The following CDH12 variants were observed in gnomAD, a reference collection of about 807,000 sequenced individuals.
CDH12 encodes the protein cadherin-12.
In CDH12, 41 loss-of-function variants were observed where a neutral mutation model predicts 74.1. The observed-to-expected ratio is 0.55, with a 90% CI of 0.43 to 0.72. The LOEUF is 0.72. CDH12 is among the 30% of genes least tolerant of loss of function. CDH12 has a pLI of 0.00. For missense variants in CDH12, 945 were observed against 977.2 expected (o/e 0.97, Z 0.44); for synonymous variants, 399 against 355.0 (o/e 1.12, Z -1.39).
At position 22,814,925 on chromosome 5, in the gene CDH12, CA is replaced by C. The variant is rs1469550463; in HGVS notation, c.-523+38132del. ...ACTATAAGTAACACGAAAACTTTGACAAATTGTACATAATCTTCTTTCAGAT... is the reference window on the plus strand; with the variant it reads ...ACTATAAGTAACACGAAAACTTTGACAATTGTACATAATCTTCTTTCAGAT... On this transcript the variant is annotated intron_variant, in intron 1 of 14. Coordinates refer to ENST00000382254, the MANE Select transcript of CDH12 (RefSeq NM_004061.5). Among the ~76,000 whole-genome samples the C allele has an allele frequency of 8.5e-5, 13 of 152,052 alleles. No homozygotes were observed. In the South Asian group the frequency reaches 2.7e-3, roughly 32 times the overall value.
chr5:21,894,497 A>C (rs1753036813), intron 6 of CDH12, among the ~76,000 whole-genome samples: 1 of 152,060 alleles, frequency 6.6e-6, no homozygotes, highest in African/African-American at 2.4e-5. Flanking sequence ...GTATCCAAAC[A>C]CTATGTATAT....
chr5:22,838,995 C>A (rs144302543), intron 1 of CDH12, among the ~76,000 whole-genome samples: 1 of 151,898 alleles, frequency 6.6e-6, no homozygotes, highest in Non-Finnish European at 1.5e-5. Context: ...TATAGATTAG[C>A]CTTTTAGGCA....
At chr5:22,093,912 G>A (rs1305646061) in intron 4 of CDH12, among the ~76,000 whole-genome samples, 2 of 152,132 alleles carry the variant, frequency 1.3e-5, no homozygotes, top group Non-Finnish European at 2.9e-5. Context: ...CAATTCATGT[G>A]TTAATATATT....
At chr5:22,788,605 T>C (rs1367885260) in intron 1 of CDH12, among the ~76,000 whole-genome samples, 1 of 148,102 alleles carries the variant, frequency 6.8e-6, no homozygotes, top group African/African-American at 2.4e-5. Flanking sequence ...ATATAATACA[T>C]GAAATATATT....
At chr5:22,812,221 C>T (rs550162082) in intron 1 of CDH12, among the ~76,000 whole-genome samples, 37 of 152,170 alleles carry the variant, frequency 2.4e-4, no homozygotes, top group Non-Finnish European at 4.9e-4. Flanking sequence ...TGAGGCTCTC[C>T]GCTCAGCCTT....
At chr5:22,293,213 C>A (rs1423929395) in intron 3 of CDH12, among the ~76,000 whole-genome samples, 3 of 152,144 alleles carry the variant, frequency 2.0e-5, no homozygotes, top group Non-Finnish European at 1.5e-5. Flanking sequence ...TGCGGTCTGA[C>A]CCCAGCCAAC....
At chr5:22,528,557 T>C (rs550597472) in intron 1 of CDH12, among the ~76,000 whole-genome samples, 1 of 152,272 alleles carries the variant, frequency 6.6e-6, no homozygotes, top group East Asian at 1.9e-4. Context: ...TAGAGGATAA[T>C]GGACTCCTTC....
chr5:22,005,201 T>C (rs1159444600), intron 5 of CDH12, among the ~76,000 whole-genome samples: 1 of 152,056 alleles, frequency 6.6e-6, no homozygotes, highest in Non-Finnish European at 1.5e-5. Context: ...CCACCACACC[T>C]GGCTAATTTT....
At chr5:22,807,066 G>A (rs1748855266) in intron 1 of CDH12, among the ~76,000 whole-genome samples, 1 of 152,098 alleles carries the variant, frequency 6.6e-6, no homozygotes, top group South Asian at 2.1e-4. Context: ...GTCCTGAATG[G>A]TATTGCCTAG....
chr5:22,596,516 G>T (rs1736616366), intron 1 of CDH12, among the ~76,000 whole-genome samples: 2 of 152,176 alleles, frequency 1.3e-5, no homozygotes, highest in Non-Finnish European at 2.9e-5. Flanking sequence ...GTTAGGATGT[G>T]AATGAGCAAA....
At chr5:22,234,327 G>C (rs1056307627) in intron 3 of CDH12, among the ~76,000 whole-genome samples, 3 of 152,048 alleles carry the variant, frequency 2.0e-5, no homozygotes, top group Admixed American at 6.6e-5. Context: ...ACCTGGAAAG[G>C]GGGGCGTAAT....
At chr5:22,065,109 G>A (rs1410815338) in intron 5 of CDH12, among the ~76,000 whole-genome samples, 3 of 152,054 alleles carry the variant, frequency 2.0e-5, no homozygotes, top group Non-Finnish European at 2.9e-5. Context: ...TAATGGCCTC[G>A]CCTGATGCTG....
chr5:22,727,828 G>C (rs1744236972), intron 1 of CDH12, among the ~76,000 whole-genome samples: 1 of 151,190 alleles, frequency 6.6e-6, no homozygotes, highest in South Asian at 2.1e-4. Flanking sequence ...TTGTTCCCTT[G>C]AGTGTAGTGT....
intron 1 of CDH12, among the ~76,000 whole-genome samples, chr5:22,819,542 A>T: frequency 6.6e-6 from 1 of 152,056 alleles, no homozygotes; most frequent in East Asian, 1.9e-4. Flanking sequence ...TCCTTTGGAA[A>T]AAAGCTATGC....
chr5:22,407,953 C>T (rs1292634300), intron 2 of CDH12, among the ~76,000 whole-genome samples: 1 of 152,054 alleles, frequency 6.6e-6, no homozygotes, highest in Admixed American at 6.6e-5. Context: ...TAGCCTATCG[C>T]CTTCTCTATC....
chr5:22,336,168 A>G (rs746315840), intron 3 of CDH12, among the ~76,000 whole-genome samples: 6 of 152,138 alleles, frequency 3.9e-5, no homozygotes, highest in Non-Finnish European at 7.3e-5. Context: ...ATAATTTAGG[A>G]TATCTGACTG....
At chr5:22,497,659 T>TG (rs1456638451) in intron 2 of CDH12, among the ~76,000 whole-genome samples, 2 of 147,180 alleles carry the variant, frequency 1.4e-5, no homozygotes, top group Non-Finnish European at 3.0e-5. Flanking sequence ...TTTTTTTTTT[T>TG]TGAGATGTAA....
At chr5:22,678,045 G>C (rs375695384) in intron 1 of CDH12, among the ~76,000 whole-genome samples, 2 of 19,564 alleles carry the variant, frequency 1.0e-4, no homozygotes, top group Admixed American at 4.2e-4. Flanking sequence ...CCATCCTCAT[G>C]GGGGGGGGGG....
intron 8 of CDH12, among the ~76,000 whole-genome samples, chr5:21,836,289 T>G (rs1393923547): frequency 6.6e-6 from 1 of 151,750 alleles, no homozygotes; most frequent in Non-Finnish European, 1.5e-5. Context: ...ATAGAAACCG[T>G]CAATATAAAC....
Sources: gnomAD v4.1 joint callset for allele counts (sites outside exome capture counted in the v4.1 genomes callset) on GRCh38, gnomAD v4.1.1 for gene constraint, MANE v1.5 for transcripts, NCBI Gene and HGNC (gene_info 2026-07-23, HGNC 2026-07-21) for gene names.